Variants in DEPDC1B observed in about 807,000 individuals in gnomAD.
DEPDC1B encodes the protein DEP domain containing 1B.
Under a neutral mutation model 66.5 loss-of-function variants are expected in DEPDC1B, and 51 were observed. That is an observed-to-expected ratio of 0.77 (90% CI 0.61 to 0.97). The LOEUF (loss-of-function observed/expected upper bound fraction) is 0.97, where lower values mean the gene tolerates loss of function less well. DEPDC1B is among the 50% of genes least tolerant of loss of function. DEPDC1B has a pLI of 0.00. For synonymous variants in DEPDC1B, 226 were observed against 223.6 expected (o/e 1.01, Z -0.10); for missense variants, 552 against 637.1 (o/e 0.87, Z 1.44).
intron 2 of DEPDC1B, among the ~76,000 whole-genome samples, chr5:60,677,562 G>A (rs1390461586): frequency 6.6e-6 from 1 of 151,402 alleles, no homozygotes; most frequent in African/African-American, 2.4e-5. Flanking sequence ...TATGAGACAA[G>A]GTCTCTCTCT....
At chr5:60,645,432 GA>G in intron 4 of DEPDC1B, 59 bp downstream of exon 4, 1 of 1,459,972 alleles carries the variant, frequency 6.8e-7, no homozygotes, top group Non-Finnish European at 9.2e-7. Context: ...AGAGAGTGAA[GA>G]AGTAGCAAAA....
At chr5:60,617,670 C>T (rs1304283333) in intron 7 of DEPDC1B, among the ~76,000 whole-genome samples, 1 of 152,182 alleles carries the variant, frequency 6.6e-6, no homozygotes, top group Non-Finnish European at 1.5e-5. Context: ...GAGACGTAGA[C>T]TCCCACACAA....
At chr5:60,653,634 C>T (rs1054538766) in intron 2 of DEPDC1B, among the ~76,000 whole-genome samples, 1 of 151,988 alleles carries the variant, frequency 6.6e-6, no homozygotes, top group South Asian at 2.1e-4. Flanking sequence ...ATTTATTTGT[C>T]TTTGTTTTGT....
chr5:60,654,177 TTTGTA>T (rs1465013638), intron 2 of DEPDC1B, among the ~76,000 whole-genome samples: 1 of 149,146 alleles, frequency 6.7e-6, no homozygotes, highest in Non-Finnish European at 1.5e-5. Context: ...TTGCATTGAA[TTTGTA>T]GATTGCTTTT....
At chr5:60,677,350 TCTCTC>T (rs1754191853) in intron 2 of DEPDC1B, among the ~76,000 whole-genome samples, 1 of 150,844 alleles carries the variant, frequency 6.6e-6, no homozygotes, top group Non-Finnish European at 1.5e-5. Context: ...TCTCTCTCTC[TCTCTC>T]TCTCTCTCAA....
intron 7 of DEPDC1B, among the ~76,000 whole-genome samples, chr5:60,609,845 G>A (rs888218681): frequency 3.3e-5 from 5 of 152,146 alleles, no homozygotes; most frequent in African/African-American, 1.2e-4. Context: ...CATAATTTAT[G>A]AGATAAAATT....
chr5:60,612,248 C>T (rs1458699795), intron 7 of DEPDC1B, among the ~76,000 whole-genome samples: 1 of 151,880 alleles, frequency 6.6e-6, no homozygotes, highest in South Asian at 2.1e-4. Context: ...CATGGTGAAA[C>T]CTTATCTCTA....
chr5:60,656,580 T>C (rs558177653), intron 2 of DEPDC1B, among the ~76,000 whole-genome samples: 5 of 152,168 alleles, frequency 3.3e-5, no homozygotes, highest in Non-Finnish European at 5.9e-5. Flanking sequence ...AGGTAATTTA[T>C]AAAGAAAAGA....
At chr5:60,620,855 G>A (rs1239925048) in intron 7 of DEPDC1B, among the ~76,000 whole-genome samples, 1 of 152,158 alleles carries the variant, frequency 6.6e-6, no homozygotes, top group Non-Finnish European at 1.5e-5. Flanking sequence ...GTTTATTGAG[G>A]CACTATTCAC....
At chr5:60,647,343 T>C (rs1401173644) in intron 3 of DEPDC1B, 55 bp downstream of exon 3, 1 of 1,537,826 alleles carries the variant, frequency 6.5e-7, no homozygotes, top group Non-Finnish European at 8.7e-7. Context: ...GCCTAGGAGT[T>C]CATGGATGAT....
At chr5:60,690,221 C>G (rs1388945585) in intron 1 of DEPDC1B, among the ~76,000 whole-genome samples, 2 of 151,744 alleles carry the variant, frequency 1.3e-5, no homozygotes, top group East Asian at 3.9e-4. Context: ...AACTAATTTG[C>G]CATTTTATAA....
intron 7 of DEPDC1B, among the ~76,000 whole-genome samples, chr5:60,625,606 A>T (rs572183940): frequency 6.6e-6 from 1 of 152,188 alleles, no homozygotes; most frequent in African/African-American, 2.4e-5. Context: ...ACCTCTGTTT[A>T]AACAACCACA....
At chr5:60,606,191 A>G (rs1013991821) in intron 7 of DEPDC1B, among the ~76,000 whole-genome samples, 3 of 152,164 alleles carry the variant, frequency 2.0e-5, no homozygotes, top group African/African-American at 7.2e-5. Flanking sequence ...CACGTTGTTA[A>G]TAAGTCCAAA....
At chr5:60,616,576 A>C (rs974586195) in intron 7 of DEPDC1B, among the ~76,000 whole-genome samples, 2 of 152,198 alleles carry the variant, frequency 1.3e-5, no homozygotes, top group Non-Finnish European at 2.9e-5. Flanking sequence ...ATGAAGCGAG[A>C]AGTTTACAGA....
chr5:60,700,019 C>A (rs776982777), intron 1 of DEPDC1B, 27 bp downstream of exon 1: 4 of 1,548,624 alleles, frequency 2.6e-6, no homozygotes, highest in African/African-American at 2.7e-5. Flanking sequence ...CCGGGTGCTC[C>A]GCCCAGGCCC....
chr5:60,691,568 C>A (rs1754545779), intron 1 of DEPDC1B, among the ~76,000 whole-genome samples: 2 of 151,194 alleles, frequency 1.3e-5, no homozygotes, highest in African/African-American at 4.9e-5. Flanking sequence ...CAAGGCAAGC[C>A]ACTGAGTAGG....
At chr5:60,699,841 C>T (rs1754743993) in intron 1 of DEPDC1B, among the ~76,000 whole-genome samples, 1 of 152,224 alleles carries the variant, frequency 6.6e-6, no homozygotes, top group South Asian at 2.1e-4. Context: ...GCTGCACTAA[C>T]CCCCGGCCGG....
chr5:60,629,473 T>G (rs1048890678), intron 7 of DEPDC1B, among the ~76,000 whole-genome samples: 2 of 152,236 alleles, frequency 1.3e-5, no homozygotes, highest in Admixed American at 6.5e-5. Flanking sequence ...TGTGTAGTAG[T>G]GTAATAGTAC....
At chr5:60,663,484 C>T (rs1753768086) in intron 2 of DEPDC1B, among the ~76,000 whole-genome samples, 1 of 152,316 alleles carries the variant, frequency 6.6e-6, no homozygotes, top group East Asian at 1.9e-4. Flanking sequence ...TATGCTTTCC[C>T]AAATACCAGA....
Sources: allele counts gnomAD v4.1 joint callset (sites outside exome capture counted in the v4.1 genomes callset), GRCh38; gene constraint gnomAD v4.1.1; transcripts MANE v1.5; gene names NCBI Gene and HGNC (gene_info 2026-07-23, HGNC 2026-07-21).